The following VMP1 variants were observed in gnomAD, a reference collection of about 807,000 sequenced individuals.
VMP1 encodes the protein vacuole membrane protein 1, also known as ectopic P-granules autophagy protein 3 homolog.
Under a neutral mutation model 56.0 loss-of-function variants are expected in VMP1, and 11 were observed. The ratio of observed to expected loss-of-function variants is 0.20; its 90% CI spans 0.12 to 0.32. The LOEUF (loss-of-function observed/expected upper bound fraction) is 0.32, where lower values mean the gene tolerates loss of function less well. Among genes scored for constraint, VMP1 ranks in the 10% least tolerant of loss-of-function variants. VMP1 has a pLI of 1.00. For missense variants in VMP1, 296 were observed against 490.3 expected, an observed-to-expected ratio of 0.60 and a Z score of 3.74; for synonymous variants, 149 against 165.0, an observed-to-expected ratio of 0.90 and a Z score of 0.74.
chr17:59,827,497 A>C (rs2038679414), intron 10 of VMP1, among the ~76,000 whole-genome samples: 1 of 150,894 alleles, frequency 6.6e-6, no homozygotes, highest in Non-Finnish European at 1.5e-5. Flanking sequence ...TTGTATTTTT[A>C]CTAGAGTCGG....
intron 7 of VMP1, among the ~76,000 whole-genome samples, chr17:59,778,254 A>C (rs1319164807): frequency 1.3e-5 from 2 of 152,090 alleles, no homozygotes; most frequent in Non-Finnish European, 2.9e-5. Context: ...AGAATAAGGC[A>C]CTTAAGGCCG....
chr17:59,740,156 A>G (rs544279181), intron 5 of VMP1, among the ~76,000 whole-genome samples: 1 of 152,282 alleles, frequency 6.6e-6, no homozygotes, highest in South Asian at 2.1e-4. Context: ...AATATACTGG[A>G]ATAATGTCAG....
intron 1 of VMP1, among the ~76,000 whole-genome samples, chr17:59,708,496 T>C (rs1490102179): frequency 8.5e-5 from 13 of 152,212 alleles, no homozygotes; most frequent in Admixed American, 7.2e-4. Flanking sequence ...TCATCTTTTA[T>C]TTACCTGCAA....
intron 7 of VMP1, among the ~76,000 whole-genome samples, chr17:59,779,347 A>G (rs1255021189): frequency 6.6e-6 from 1 of 152,128 alleles, no homozygotes; most frequent in African/African-American, 2.4e-5. Flanking sequence ...TCTCCCACTG[A>G]TATGGGAGAG....
At chr17:59,823,296 CAAA>C (rs1446022138) in intron 10 of VMP1, among the ~76,000 whole-genome samples, 1 of 151,498 alleles carries the variant, frequency 6.6e-6, no homozygotes, top group Non-Finnish European at 1.5e-5. Context: ...ACTAAAAATA[CAAA>C]AATTAGCTGG....
chr17:59,782,320 T>A (rs1177591554), intron 7 of VMP1, among the ~76,000 whole-genome samples: 1 of 152,238 alleles, frequency 6.6e-6, no homozygotes, highest in Non-Finnish European at 1.5e-5. Flanking sequence ...TCTTAGGTAA[T>A]TAACTAATTG....
chr17:59,741,814 A>G (rs1442843914), intron 5 of VMP1, among the ~76,000 whole-genome samples: 2 of 152,226 alleles, frequency 1.3e-5, no homozygotes, highest in African/African-American at 4.8e-5. Context: ...GTTATTAACT[A>G]TAGTCCTCAT....
chr17:59,732,623 C>T (rs1279522849), intron 2 of VMP1, among the ~76,000 whole-genome samples: 1 of 152,140 alleles, frequency 6.6e-6, no homozygotes, highest in Non-Finnish European at 1.5e-5. Context: ...CTTTGGTTGT[C>T]AGTAAACTTG....
intron 10 of VMP1, among the ~76,000 whole-genome samples, chr17:59,820,754 CTT>C (rs1024905605): frequency 6.6e-6 from 1 of 152,180 alleles, no homozygotes; most frequent in Non-Finnish European, 1.5e-5. Flanking sequence ...GTCCTGGCGT[CTT>C]GACTGACATA....
At chr17:59,711,472 T>C (rs1263315732) in intron 1 of VMP1, among the ~76,000 whole-genome samples, 1 of 152,202 alleles carries the variant, frequency 6.6e-6, no homozygotes, top group East Asian at 1.9e-4. Context: ...GATAACTTTG[T>C]CGTGGTTTTG....
chr17:59,718,418 A>C (rs1014954817), intron 1 of VMP1, among the ~76,000 whole-genome samples: 3 of 151,142 alleles, frequency 2.0e-5, no homozygotes, highest in African/African-American at 4.9e-5. Context: ...GGATGGTCTC[A>C]ATCTCCTGAC....
At chr17:59,772,320 G>A (rs942175393) in intron 6 of VMP1, among the ~76,000 whole-genome samples, 2 of 152,026 alleles carry the variant, frequency 1.3e-5, no homozygotes, top group African/African-American at 2.4e-5. Flanking sequence ...TTCAAGTATG[G>A]ATAATGTAGT....
intron 7 of VMP1, among the ~76,000 whole-genome samples, chr17:59,778,117 CTGT>C (rs1283010553): frequency 3.3e-5 from 5 of 152,162 alleles, no homozygotes; most frequent in African/African-American, 1.2e-4. Flanking sequence ...TGTTTTTCTG[CTGT>C]TAACATATTT....
intron 1 of VMP1, among the ~76,000 whole-genome samples, chr17:59,726,008 GT>G (rs2034588736): frequency 6.6e-6 from 1 of 152,140 alleles, no homozygotes; most frequent in African/African-American, 2.4e-5. Flanking sequence ...GGGCAAATGA[GT>G]TCAATTATCA....
At chr17:59,758,946 C>T (rs184709443) in intron 5 of VMP1, among the ~76,000 whole-genome samples, 303 of 151,674 alleles carry the variant, frequency 2.0e-3, no homozygotes, top group African/African-American at 7.0e-3. Context: ...ATTAGCCAGG[C>T]GTGGTGGTGT....
intron 1 of VMP1, among the ~76,000 whole-genome samples, chr17:59,714,952 G>T (rs2034094992): frequency 6.6e-6 from 1 of 152,158 alleles, no homozygotes; most frequent in Non-Finnish European, 1.5e-5. Flanking sequence ...AATGTGCTGG[G>T]ATTACAAGCA....
At chr17:59,753,756 A>T (rs1414066119) in intron 5 of VMP1, among the ~76,000 whole-genome samples, 1 of 152,228 alleles carries the variant, frequency 6.6e-6, no homozygotes, top group Non-Finnish European at 1.5e-5. Context: ...ATTTAAAAAC[A>T]TACCCAAATA....
chr17:59,794,976 A>G (rs1167376237), intron 7 of VMP1, among the ~76,000 whole-genome samples: 2 of 149,648 alleles, frequency 1.3e-5, no homozygotes, highest in Non-Finnish European at 3.0e-5. Context: ...AATCGTTGGC[A>G]CTAAAAGGCA....
At chr17:59,792,201 C>T (rs1055747237) in intron 7 of VMP1, among the ~76,000 whole-genome samples, 1 of 151,980 alleles carries the variant, frequency 6.6e-6, no homozygotes, top group South Asian at 2.1e-4. Context: ...TGCTTGAGCC[C>T]GAGAGGTCAT....
Sources: allele counts gnomAD v4.1 joint callset (sites outside exome capture counted in the v4.1 genomes callset), GRCh38; gene constraint gnomAD v4.1.1; transcripts MANE v1.5; gene names NCBI Gene and HGNC (gene_info 2026-07-23, HGNC 2026-07-21).